The following ANKRD13C variants were observed in gnomAD, a reference collection of about 807,000 sequenced individuals.
ANKRD13C encodes ankyrin repeat domain 13C.
Under a neutral mutation model 65.5 loss-of-function variants are expected in ANKRD13C, and 16 were observed. The observed-to-expected ratio is 0.24, with a 90% CI of 0.17 to 0.37. The LOEUF is 0.37. Ranked by LOEUF, ANKRD13C falls within the 10% of genes least tolerant of loss-of-function variation. ANKRD13C has a pLI of 1.00. For missense variants in ANKRD13C, 503 were observed against 655.9 expected (o/e 0.77, Z 2.55); for synonymous variants, 235 against 238.7 (o/e 0.98, Z 0.14).
chr1:70,274,953 G>C lies in ANKRD13C; in HGVS notation c.1296-135C>G, dbSNP rs369406536. On this transcript the variant is annotated intron_variant, in intron 10 of 12. Coordinates refer to ENST00000370944, the MANE Select transcript of ANKRD13C (RefSeq NM_030816.5). ...ACTCTGTCTACAGAAATAAAGTTATGCTAAAAGGGAATAAGATATGTATAA... is the reference window on the plus strand; with the variant it reads ...ACTCTGTCTACAGAAATAAAGTTATCCTAAAAGGGAATAAGATATGTATAA... 43 of 586,170 alleles carry C rather than the reference G, an allele frequency of 7.3e-5. No individual in the cohort carries two copies. The African/African-American group carries it at 7.6e-4, about 10-fold the overall frequency. 36.3% of individuals were successfully genotyped at this position (586,170 alleles called of 1,614,324 possible).
rs933853847 is a variant in ANKRD13C at position 70,259,789 on chromosome 1, C to T, written c.*2928G>A. On this transcript the variant is annotated 3_prime_UTR_variant, in exon 13 of 13. Coordinates refer to ENST00000370944, the MANE Select transcript of ANKRD13C (RefSeq NM_030816.5). ...TGTAAATATGGGTAATATCAATGAGCAGAAGGAAGCACCTTTAATTCAGCA... is the reference window on the plus strand; with the variant it reads ...TGTAAATATGGGTAATATCAATGAGTAGAAGGAAGCACCTTTAATTCAGCA... 6.6e-6 allele frequency among the ~76,000 whole-genome samples: 1 copy of T among 152,156 alleles called. No homozygotes were observed. Among genetic ancestry groups the T allele is most frequent in the Admixed American group, 6.5e-5 (1 of 15,272 alleles).
intron 9 of ANKRD13C, chr1:70,292,000 C>T (rs948840641): frequency 2.0e-5 from 3 of 152,522 alleles, no homozygotes; most frequent in Admixed American, 6.6e-5. Flanking sequence ...GGCCTGTAAT[C>T]CCAGCTACCT....
intron 12 of ANKRD13C, among the ~76,000 whole-genome samples, chr1:70,265,948 G>A (rs2101098935): frequency 6.6e-6 from 1 of 150,902 alleles, no homozygotes; most frequent in Middle Eastern, 3.5e-3. Flanking sequence ...GAAGAAGGAA[G>A]GAAGGAGGAA....
intron 9 of ANKRD13C, among the ~76,000 whole-genome samples, chr1:70,286,175 A>G (rs888492301): frequency 1.3e-5 from 2 of 152,174 alleles, no homozygotes; most frequent in African/African-American, 4.8e-5. Flanking sequence ...TAATTAAACC[A>G]AATCAAATTA....
intron 9 of ANKRD13C, among the ~76,000 whole-genome samples, chr1:70,281,978 C>G (rs1213881796): frequency 1.3e-5 from 2 of 150,510 alleles, no homozygotes; most frequent in Non-Finnish European, 2.9e-5. Flanking sequence ...CCAGTATGGG[C>G]AACAGAGGGA....
At chr1:70,347,456 C>A (rs781284002) in intron 1 of ANKRD13C, among the ~76,000 whole-genome samples, 2 of 152,156 alleles carry the variant, frequency 1.3e-5, no homozygotes, top group Non-Finnish European at 2.9e-5. Context: ...TCCAATGAGT[C>A]CTCTAGAATT....
At chr1:70,320,295 C>A (rs985699651) in intron 3 of ANKRD13C, among the ~76,000 whole-genome samples, 2 of 151,748 alleles carry the variant, frequency 1.3e-5, no homozygotes, top group African/African-American at 2.4e-5. Flanking sequence ...GACCAGAAGA[C>A]GAAACTAAAA....
intron 8 of ANKRD13C, among the ~76,000 whole-genome samples, chr1:70,294,164 T>C (rs764179085): frequency 6.6e-6 from 1 of 152,132 alleles, no homozygotes; most frequent in East Asian, 1.9e-4. Flanking sequence ...AGATACGATA[T>C]GACACGACAC....
chr1:70,318,679 G>GTTTTTT lies in ANKRD13C; in HGVS notation c.578-3119_578-3114dup, dbSNP rs11337993. ...AATCCATTCTGTTAAATCAATCTTTGTTTTTTTTTTTTTTTTTTTTTTGAG... is the reference window on the plus strand; with the variant it reads ...AATCCATTCTGTTAAATCAATCTTTGTTTTTTTTTTTTTTTTTTTTTTTTTTTTGAG... On this transcript the variant is annotated intron_variant, in intron 3 of 12. Transcript: ENST00000370944. Among the ~76,000 whole-genome samples, 24 of 94,228 alleles carry GTTTTTT rather than the reference G, an allele frequency of 2.5e-4. 1 individual carries two copies. The highest frequency in any genetic ancestry group is 6.4e-4 in the East Asian group (2 of 3,144). The allele number at this position is 94,228 out of a possible 152,430, so 61.8% of individuals were successfully genotyped here.
chr1:70,309,851 C>T (rs1211449972), intron 5 of ANKRD13C, among the ~76,000 whole-genome samples: 2 of 151,514 alleles, frequency 1.3e-5, no homozygotes, highest in African/African-American at 4.8e-5. Context: ...ATGCATAATG[C>T]AAAATTTAAA....
At chr1:70,333,170 T>C (rs970452017) in intron 2 of ANKRD13C, among the ~76,000 whole-genome samples, 4 of 152,220 alleles carry the variant, frequency 2.6e-5, no homozygotes, top group African/African-American at 9.6e-5. Flanking sequence ...CTAATGTTTT[T>C]CTTCCATAAA....
chr1:70,277,971 T>A (rs1256853743), intron 9 of ANKRD13C, among the ~76,000 whole-genome samples: 2 of 151,572 alleles, frequency 1.3e-5, no homozygotes, highest in African/African-American at 4.9e-5. Context: ...GAGAATCACT[T>A]GAGCCCATGA....
At chr1:70,276,102 T>C (rs189506857) in intron 10 of ANKRD13C, among the ~76,000 whole-genome samples, 88 of 152,080 alleles carry the variant, frequency 5.8e-4, no homozygotes, top group African/African-American at 2.0e-3. Context: ...ATATTTTATA[T>C]TTTATTCTCC....
chr1:70,313,706 T>A, intron 5 of ANKRD13C, 39 bp downstream of exon 5: 1 of 1,462,388 alleles, frequency 6.8e-7, no homozygotes, highest in Non-Finnish European at 9.5e-7. Context: ...CATTTCTGCA[T>A]AAGTACATAT....
chr1:70,315,013 C>T (rs61216997), intron 4 of ANKRD13C, among the ~76,000 whole-genome samples: 27,086 of 152,016 alleles, frequency 0.18, 2,630 homozygotes, highest in Middle Eastern at 0.29. Flanking sequence ...CTGAGGCAGG[C>T]GGATTGCTTG....
At chr1:70,305,512 G>T (rs1429141503) in intron 6 of ANKRD13C, among the ~76,000 whole-genome samples, 1 of 151,600 alleles carries the variant, frequency 6.6e-6, no homozygotes, top group East Asian at 1.9e-4. Flanking sequence ...ATATATACAT[G>T]TATACTATTT....
At chr1:70,325,478 A>G (rs574260742) in intron 2 of ANKRD13C, among the ~76,000 whole-genome samples, 1 of 152,328 alleles carries the variant, frequency 6.6e-6, no homozygotes, top group East Asian at 1.9e-4. Flanking sequence ...AAAAGGGCAA[A>G]ACTCGGCTTA....
At chr1:70,314,928 AAG>A (rs1681010736) in intron 4 of ANKRD13C, among the ~76,000 whole-genome samples, 1 of 152,102 alleles carries the variant, frequency 6.6e-6, no homozygotes, top group African/African-American at 2.4e-5. Context: ...GACAGATAAA[AAG>A]AGTTTTTGTT....
At chr1:70,292,338 AT>A (rs746728943) in intron 9 of ANKRD13C, 49 bp downstream of exon 9, 1 of 1,405,256 alleles carries the variant, frequency 7.1e-7, no homozygotes, top group South Asian at 1.5e-5. Context: ...AATGAAATCT[AT>A]CCCCTCTCTT....
Sources: gnomAD v4.1 joint callset for allele counts (sites outside exome capture counted in the v4.1 genomes callset) on GRCh38, gnomAD v4.1.1 for gene constraint, MANE v1.5 for transcripts, NCBI Gene and HGNC (gene_info 2026-07-23, HGNC 2026-07-21) for gene names.